The following APOLD1 variants were observed in gnomAD, a reference collection of about 807,000 sequenced individuals.
The protein encoded by APOLD1 is apolipoprotein L domain containing 1.
In APOLD1, 22 loss-of-function variants were observed where a neutral mutation model predicts 15.3. The observed-to-expected ratio is 1.44, with a 90% CI of 1.03 to 2.05. The LOEUF (loss-of-function observed/expected upper bound fraction) is 2.05. APOLD1 is among the 30% of genes most tolerant of loss of function. The probability of loss-of-function intolerance (pLI) is 0.00; values close to 1 mark genes in which losing one functional copy is unlikely to be tolerated. For synonymous variants in APOLD1, 190 were observed against 167.4 expected (o/e 1.13, Z -1.04); for missense variants, 394 against 353.5 (o/e 1.11, Z -0.92).
chr12:12,788,970 G>A lies in APOLD1; in HGVS notation c.*1318G>A, dbSNP rs991366197. The A allele has an allele frequency of 3.9e-5, 6 of 152,074 alleles. No individual in the cohort carries two copies. The highest frequency in any genetic ancestry group is 1.4e-4 in the African/African-American group (6 of 41,402). The allele number at this position is 152,074 out of a possible 1,614,324, so 9.4% of individuals were successfully genotyped here. A position where few individuals can be genotyped will look rare whatever the true frequency, so the allele number is the denominator to read the frequency against. ...ATGAACAAGGGATGTAACACTAAAA[G>A]CCCATTAGGGGGCAGTGTTTCCCGC... On this transcript the variant is annotated 3_prime_UTR_variant, in exon 2 of 2. Coordinates refer to ENST00000356591, the MANE Select transcript of APOLD1 (RefSeq NM_030817.3).
chr12:12,766,582 A>C (rs1433881114), intron 1 of APOLD1, among the ~76,000 whole-genome samples: 1 of 152,222 alleles, frequency 6.6e-6, no homozygotes, highest in East Asian at 1.9e-4. Flanking sequence ...GGTGACTGAC[A>C]CCTGTAATCT....
At chr12:12,726,272 T>G (rs1946592879) in intron 1 of APOLD1, 2 of 717,886 alleles carry the variant, frequency 2.8e-6, no homozygotes, top group Non-Finnish European at 4.9e-6. Context: ...AATTAAATTT[T>G]AAAAAAGTTT....
At chr12:12,754,202 CA>C (rs373664204) in intron 1 of APOLD1, among the ~76,000 whole-genome samples, 8 of 78,302 alleles carry the variant, frequency 1.0e-4, no homozygotes, top group Admixed American at 1.7e-4. Flanking sequence ...GACTCTGTCT[CA>C]AAAAAAAAAG....
intron 1 of APOLD1, among the ~76,000 whole-genome samples, chr12:12,759,951 TGATA>T (rs1382391771): frequency 5.3e-5 from 8 of 152,190 alleles, no homozygotes; most frequent in African/African-American, 1.9e-4. Flanking sequence ...AAAGCCATAT[TGATA>T]GATTGATAAT....
At chr12:12,784,521 C>T (rs1361863727), upstream of APOLD1, among the ~76,000 whole-genome samples, 1 of 152,178 alleles carries the variant, frequency 6.6e-6, no homozygotes, top group Non-Finnish European at 1.5e-5. Flanking sequence ...TCTGTTGCTA[C>T]TGTTGTTATA....
In APOLD1 at chr12:12,772,466, C is replaced by T. The variant is rs148255131; in HGVS notation, c.97-14443C>T. 4.1e-3 allele frequency among the ~76,000 whole-genome samples: 621 copies of T among 152,282 alleles called. 8 individuals carry two copies. Among genetic ancestry groups the T allele is most frequent in the Non-Finnish European group, 2.7e-3 (184 of 68,024 alleles). On this transcript the variant is annotated intron_variant, in intron 1 of 1. Transcript: ENST00000326765. ...TTTACCCAGTGTATGCACCTAACAACGGAGTGTCAAAATTTGTGAAGCAAA... is the reference window on the plus strand; with the variant it reads ...TTTACCCAGTGTATGCACCTAACAATGGAGTGTCAAAATTTGTGAAGCAAA...
chr12:12,748,497 G>A (rs1238653893), intron 1 of APOLD1, among the ~76,000 whole-genome samples: 2 of 152,128 alleles, frequency 1.3e-5, no homozygotes, highest in East Asian at 1.9e-4. Flanking sequence ...TTTTAAAACC[G>A]ATACATAATG....
At chr12:12,773,568 A>T (rs1947004301) in intron 1 of APOLD1, among the ~76,000 whole-genome samples, 1 of 152,234 alleles carries the variant, frequency 6.6e-6, no homozygotes, top group Non-Finnish European at 1.5e-5. Flanking sequence ...AAATAAATAA[A>T]TGAAAAGTAG....
intron 1 of APOLD1, among the ~76,000 whole-genome samples, chr12:12,750,340 T>G (rs1946802050): frequency 1.6e-5 from 2 of 127,154 alleles, no homozygotes. Context: ...CCATTGCATT[T>G]CAGCCTGGTC....
At chr12:12,741,647 C>T (rs1223797389) in intron 1 of APOLD1, among the ~76,000 whole-genome samples, 3 of 152,150 alleles carry the variant, frequency 2.0e-5, no homozygotes, top group Non-Finnish European at 4.4e-5. Context: ...ACAGTCTGCA[C>T]ACAAGAAAAA....
In APOLD1 at chr12:12,787,650, T is replaced by C. The variant is rs376490433; in HGVS notation, c.745T>C (p.Ter249ArgextTer39). ...SADQRAGLFF* is the reference protein window; with the variant it reads ...SADQRAGLFFR Reference sequence around the variant, plus strand: ...TGACCAGCGTGCAGGGCTGTTTTTCTGAGAACATCCTTTCCCCCTAATGAC... The same window carrying C: ...TGACCAGCGTGCAGGGCTGTTTTTCCGAGAACATCCTTTCCCCCTAATGAC... The change falls in exon 2 of 2, where the codon TGA becomes CGA. Residue 249 changes from the stop codon to arginine (R), a stop_lost. Coordinates refer to ENST00000356591, the MANE Select transcript of APOLD1 (RefSeq NM_030817.3). The surrounding 1 kb of genome is among the most constrained non-coding windows in gnomAD (Gnocchi z 4.9). 23 of 1,586,058 alleles carry C rather than the reference T, an allele frequency of 1.5e-5. No individual in the cohort carries two copies. Among genetic ancestry groups the C allele is most frequent in the Non-Finnish European group, 1.9e-5 (22 of 1,169,170 alleles).
intron 1 of APOLD1, among the ~76,000 whole-genome samples, chr12:12,754,199 T>A: frequency 9.1e-5 from 1 of 10,992 alleles, no homozygotes; most frequent in African/African-American, 1.7e-4. Context: ...TGAGACTCTG[T>A]CTCAAAAAAA....
chr12:12,745,788 A>C lies in APOLD1; in HGVS notation c.96+19692A>C, dbSNP rs540509950. On this transcript the variant is annotated intron_variant, in intron 1 of 1. Transcript: ENST00000326765. ...AGTTTCAGGTGGGAAGGGGGAGGAA[A>C]AAGGGAAGCAAAAGGCAAGGAAAAT... is the stretch of plus-strand genomic sequence containing the variant. Among the ~76,000 whole-genome samples the C allele has an allele frequency of 1.3e-4, 20 of 152,202 alleles. 2 individuals are homozygous for C. The highest frequency in any genetic ancestry group is 4.3e-4 in the African/African-American group (18 of 41,452).
chr12:12,786,348 G>A (rs1018843667), intron 1 of APOLD1, among the ~76,000 whole-genome samples: 1 of 152,130 alleles, frequency 6.6e-6, no homozygotes, highest in Non-Finnish European at 1.5e-5. Context: ...AAGCAGAAGA[G>A]TTGCTTCAGG....
chr12:12,751,707 C>T (rs1308262378), intron 1 of APOLD1, among the ~76,000 whole-genome samples: 2 of 152,180 alleles, frequency 1.3e-5, no homozygotes, highest in Non-Finnish European at 2.9e-5. Context: ...GAATAATGGG[C>T]CCCCAAGTAT....
At chr12:12,776,010 A>C (rs1947030361) in intron 1 of APOLD1, among the ~76,000 whole-genome samples, 1 of 150,042 alleles carries the variant, frequency 6.7e-6, no homozygotes, top group Non-Finnish European at 1.5e-5. Context: ...TCTCAAAAAA[A>C]AAAAAAAAAA....
chr12:12,749,689 A>G (rs1266798610), intron 1 of APOLD1, among the ~76,000 whole-genome samples: 1 of 152,186 alleles, frequency 6.6e-6, no homozygotes, highest in Non-Finnish European at 1.5e-5. Context: ...TGAGGTGACC[A>G]CCAAGTGGCC....
chr12:12,769,370 T>C (rs1041353109), intron 1 of APOLD1, among the ~76,000 whole-genome samples: 3 of 151,978 alleles, frequency 2.0e-5, no homozygotes, highest in African/African-American at 7.3e-5. Context: ...CACAGGTGAA[T>C]GCAGATAATC....
intron 1 of APOLD1, among the ~76,000 whole-genome samples, chr12:12,757,142 A>G (rs1184248095): frequency 6.6e-6 from 1 of 152,242 alleles, no homozygotes; most frequent in Non-Finnish European, 1.5e-5. Flanking sequence ...TATAAAAAAT[A>G]TCCAATAACT....
Sources: gnomAD v4.1 joint callset for allele counts (sites outside exome capture counted in the v4.1 genomes callset) on GRCh38, gnomAD v4.1.1 for gene constraint, Gnocchi (gnomAD v3.1) non-coding constraint, MANE v1.5 for transcripts, NCBI Gene and HGNC (gene_info 2026-07-23, HGNC 2026-07-21) for gene names.